The following PARM1 variants were observed in gnomAD, a reference collection of about 807,000 sequenced individuals.
PARM1 encodes the protein prostate androgen-regulated mucin-like protein 1.
Under a neutral mutation model 24.6 loss-of-function variants are expected in PARM1, and 14 were observed. The observed-to-expected ratio is 0.57, with a 90% CI of 0.38 to 0.89. PARM1 has a LOEUF of 0.89. Ranked by LOEUF, PARM1 falls within the 40% of genes least tolerant of loss-of-function variation. The pLI, the probability that PARM1 is intolerant of heterozygous loss-of-function variation, is 0.00. For missense variants in PARM1, 362 were observed against 380.4 expected (o/e 0.95, Z 0.40); for synonymous variants, 179 against 156.6 (o/e 1.14, Z -1.07).
At chr4:74,975,357 A>T (rs2109768192) in intron 1 of PARM1, among the ~76,000 whole-genome samples, 1 of 152,370 alleles carries the variant, frequency 6.6e-6, no homozygotes, top group African/African-American at 2.4e-5. Flanking sequence ...AAACAAAACA[A>T]ATAATAGGAT....
intron 1 of PARM1, among the ~76,000 whole-genome samples, chr4:75,001,711 G>C (rs1722683356): frequency 6.6e-6 from 1 of 152,152 alleles, no homozygotes; most frequent in South Asian, 2.1e-4. Context: ...AAAACCCTTA[G>C]AAGAAAATGG....
At chr4:75,016,858 A>C (rs1722997754) in intron 2 of PARM1, among the ~76,000 whole-genome samples, 1 of 151,846 alleles carries the variant, frequency 6.6e-6, no homozygotes, top group African/African-American at 2.4e-5. Flanking sequence ...GAGATGTAAA[A>C]TTCTCCCCAT....
intron 1 of PARM1, among the ~76,000 whole-genome samples, chr4:75,005,306 CAT>C (rs916271392): frequency 1.3e-5 from 2 of 152,192 alleles, no homozygotes; most frequent in African/African-American, 2.4e-5. Context: ...AGCTTTGCCA[CAT>C]GTTTTCTCAC....
chr4:74,945,946 C>G (rs1210782595), intron 1 of PARM1, among the ~76,000 whole-genome samples: 1 of 152,156 alleles, frequency 6.6e-6, no homozygotes, highest in Non-Finnish European at 1.5e-5. Context: ...AGGGCTGGAG[C>G]AGAACTGACT....
chr4:74,972,910 G>A (rs1293804817), intron 1 of PARM1, among the ~76,000 whole-genome samples: 3 of 152,206 alleles, frequency 2.0e-5, no homozygotes, highest in African/African-American at 7.2e-5. Context: ...CAGTGTAGTG[G>A]AGAAGGCAAG....
intron 1 of PARM1, among the ~76,000 whole-genome samples, chr4:74,934,882 G>A (rs1202532458): frequency 6.6e-6 from 1 of 151,204 alleles, no homozygotes; most frequent in Non-Finnish European, 1.5e-5. Flanking sequence ...GGCTTGTCTT[G>A]TTTATTTAAT....
chr4:74,938,074 A>T (rs1367157447), intron 1 of PARM1, among the ~76,000 whole-genome samples: 1 of 152,240 alleles, frequency 6.6e-6, no homozygotes, highest in Admixed American at 6.5e-5. Flanking sequence ...TTAATAACTT[A>T]GGAAAAAACA....
intron 1 of PARM1, among the ~76,000 whole-genome samples, chr4:74,938,224 A>G (rs1209109754): frequency 6.6e-6 from 1 of 152,206 alleles, no homozygotes; most frequent in Non-Finnish European, 1.5e-5. Context: ...TATACTGTTT[A>G]AGCAGACTTT....
At chr4:74,968,937 T>C (rs915920322) in intron 1 of PARM1, among the ~76,000 whole-genome samples, 8 of 152,220 alleles carry the variant, frequency 5.3e-5, no homozygotes, top group African/African-American at 1.9e-4. Context: ...ATTTAAGAAA[T>C]GTTTTGAAAG....
chr4:74,965,522 C>T (rs1357258451), intron 1 of PARM1: 1 of 152,080 alleles, frequency 6.6e-6, no homozygotes, highest in East Asian at 1.9e-4. Flanking sequence ...TTTTCCTTTC[C>T]CCACCTTCCC....
chr4:75,029,535 A>T (rs1312118766), intron 2 of PARM1, among the ~76,000 whole-genome samples: 1 of 152,172 alleles, frequency 6.6e-6, no homozygotes, highest in Non-Finnish European at 1.5e-5. Flanking sequence ...CATGTAAGAC[A>T]TGCCTTTCAC....
At chr4:74,965,882 T>C (rs80169869) in intron 1 of PARM1, among the ~76,000 whole-genome samples, 6,232 of 152,188 alleles carry the variant, frequency 0.041, 413 homozygotes, top group African/African-American at 0.14. Flanking sequence ...CTGAATGCAA[T>C]GGAGTACCTA....
chr4:75,038,999 A>G (rs559513535), intron 3 of PARM1, among the ~76,000 whole-genome samples: 1 of 152,332 alleles, frequency 6.6e-6, no homozygotes, highest in South Asian at 2.1e-4. Flanking sequence ...ACGTCTTGTT[A>G]GAAGTCACCT....
intron 1 of PARM1, among the ~76,000 whole-genome samples, chr4:75,004,666 C>T (rs1188984267): frequency 1.3e-5 from 2 of 152,050 alleles, no homozygotes; most frequent in Non-Finnish European, 2.9e-5. Context: ...CAGGTTTTAT[C>T]CCAAAGACAG....
intron 2 of PARM1, among the ~76,000 whole-genome samples, chr4:75,031,355 A>C (rs1723270998): frequency 6.6e-6 from 1 of 152,130 alleles, no homozygotes. Context: ...GCTGCCCTCA[A>C]GGGCCCATCA....
rs1222441404 is a variant in PARM1, at chr4:75,012,485, T to C, written c.104T>C (p.Ile35Thr). The change falls in exon 2 of 4, where the codon ATT becomes ACT. Residue 35 changes from isoleucine to threonine, a missense_variant. Physicochemically the swap from Ile to Thr is moderately conservative, Grantham distance 89. Transcript: ENST00000307428. ...APLSVSLPTN[I>T]VPPTTIWTSS... ...TTGTCTGTTTCTCTTCCGACAAACA[T>C]TGTACCACCGACCACCATCTGGACT... The C allele has an allele frequency of 1.2e-6, 2 of 1,613,814 alleles. No individual in the cohort carries two copies. The highest frequency in any genetic ancestry group is 1.7e-5 in the Admixed American group (1 of 59,990).
chr4:75,027,981 G>A (rs146102354), intron 2 of PARM1, among the ~76,000 whole-genome samples: 2 of 152,318 alleles, frequency 1.3e-5, no homozygotes, highest in Non-Finnish European at 2.9e-5. Flanking sequence ...ACCTGTGCTT[G>A]TATCCCAGTT....
At chr4:75,027,017 T>C (rs1723193947) in intron 2 of PARM1, among the ~76,000 whole-genome samples, 1 of 152,182 alleles carries the variant, frequency 6.6e-6, no homozygotes. Flanking sequence ...GATCCTCCTT[T>C]GCTGTCTGTC....
Position 74,944,203 on chromosome 4 carries a change from G to A in PARM1, c.43+10833G>A, listed in dbSNP as rs145222435. ...AATAATAATGTTTAATTATTTTTAG[G>A]CTGGGAAAAATAATATGAGCTTAAA... On this transcript the variant is annotated intron_variant, in intron 1 of 3. Transcript: ENST00000307428. Among the ~76,000 whole-genome samples the A allele has an allele frequency of 7.6e-3, 1,158 of 152,286 alleles. 12 individuals are homozygous for A. The highest frequency in any genetic ancestry group is 0.012 in the Non-Finnish European group (812 of 68,022).
Sources: gnomAD v4.1 joint callset for allele counts (sites outside exome capture counted in the v4.1 genomes callset) on GRCh38, gnomAD v4.1.1 for gene constraint, MANE v1.5 for transcripts, NCBI Gene and HGNC (gene_info 2026-07-23, HGNC 2026-07-21) for gene names.